Variants in PLCG2 observed in about 807,000 individuals in gnomAD.
PLCG2 encodes the protein 1-phosphatidylinositol 4,5-bisphosphate phosphodiesterase gamma-2.
PLCG2 carries 69 observed loss-of-function variants against 175.6 expected under a neutral mutation model. That is an observed-to-expected ratio of 0.39 (90% confidence interval 0.32 to 0.48). The LOEUF is 0.48. Ranked by LOEUF, PLCG2 falls within the 20% of genes least tolerant of loss-of-function variation. The pLI, the probability that PLCG2 is intolerant of heterozygous loss-of-function variation, is 0.91. For missense variants in PLCG2, 1,798 were observed against 1,650.9 expected, an observed-to-expected ratio of 1.09 and a Z score of -1.54; for synonymous variants, 827 against 624.0, an observed-to-expected ratio of 1.33 and a Z score of -4.85.
At chr16:81,944,432 A>G (rs1252142167) in intron 30 of PLCG2, among the ~76,000 whole-genome samples, 1 of 152,116 alleles carries the variant, frequency 6.6e-6, no homozygotes, top group Admixed American at 6.6e-5. Context: ...ATATGGGAGG[A>G]TGTGCATAGG....
intron 7 of PLCG2, among the ~76,000 whole-genome samples, chr16:81,879,031 C>T (rs1304392137): frequency 6.6e-6 from 1 of 152,096 alleles, no homozygotes; most frequent in Non-Finnish European, 1.5e-5. Flanking sequence ...GTTCTGGGAG[C>T]ATCTGTACCA....
chr16:81,777,850 T>C (rs1910470966), upstream of PLCG2, among the ~76,000 whole-genome samples: 1 of 151,114 alleles, frequency 6.6e-6, no homozygotes, highest in Non-Finnish European at 1.5e-5. Context: ...ACCGCGTCTC[T>C]AGTAAAAATA....
intron 2 of PLCG2, among the ~76,000 whole-genome samples, chr16:81,758,528 C>T (rs1056197316): frequency 1.3e-5 from 2 of 152,140 alleles, no homozygotes; most frequent in African/African-American, 4.8e-5. Context: ...AGTGGCCTTG[C>T]TGAGTCATAC....
At chr16:81,879,440 G>A (rs1240780438) in intron 7 of PLCG2, among the ~76,000 whole-genome samples, 2 of 152,134 alleles carry the variant, frequency 1.3e-5, no homozygotes, top group Non-Finnish European at 2.9e-5. Context: ...ACCTTTTGGT[G>A]GGACCTACTC....
At chr16:81,898,385 A>G (rs1188017354) in intron 13 of PLCG2, 1 of 152,692 alleles carries the variant, frequency 6.5e-6, no homozygotes, top group Non-Finnish European at 1.5e-5. Context: ...CCAACTTACT[A>G]GGTAGCCTTT....
chr16:81,740,862 A>G (rs1419124975), intron 1 of PLCG2, among the ~76,000 whole-genome samples: 1 of 151,838 alleles, frequency 6.6e-6, no homozygotes, highest in Non-Finnish European at 1.5e-5. Context: ...CTTAAAAAGA[A>G]TGAAACCAAC....
At position 81,931,907 on chromosome 16, in the gene PLCG2, A is replaced by G. The variant is rs563729880; in HGVS notation, c.2739+253A>G. Reference sequence around the variant, plus strand: ...TTCAGAAGGCTGAGTGCCTGCAGCAATGCTCATTGATGATGTCTTTGCGGC... The same window carrying G: ...TTCAGAAGGCTGAGTGCCTGCAGCAGTGCTCATTGATGATGTCTTTGCGGC... On this transcript the variant is annotated intron_variant, in intron 25 of 32. Coordinates refer to ENST00000564138, the MANE Select transcript of PLCG2 (RefSeq NM_002661.5). Among the ~76,000 whole-genome samples, 484 of 152,338 alleles carry G rather than the reference A, an allele frequency of 3.2e-3. 1 individual carries two copies. Among genetic ancestry groups the G allele is most frequent in the Non-Finnish European group, 3.3e-3 (224 of 68,024 alleles).
intron 14 of PLCG2, among the ~76,000 whole-genome samples, chr16:81,903,302 C>T (rs547541084): frequency 9.2e-5 from 14 of 152,244 alleles, no homozygotes; most frequent in African/African-American, 2.6e-4. Flanking sequence ...TCCAGGAAGT[C>T]GTGGTTTGGT....
chr16:81,909,865 G>C (rs916821084), intron 17 of PLCG2, among the ~76,000 whole-genome samples: 4 of 152,184 alleles, frequency 2.6e-5, no homozygotes, highest in African/African-American at 7.2e-5. Context: ...ATTCCTGTCA[G>C]ACCGCTGGGG....
chr16:81,744,857 C>G (rs1442448976), intron 1 of PLCG2, among the ~76,000 whole-genome samples: 1 of 152,124 alleles, frequency 6.6e-6, no homozygotes, highest in African/African-American at 2.4e-5. Context: ...TGAGCTACTG[C>G]TCCCAGCCCA....
intron 10 of PLCG2, among the ~76,000 whole-genome samples, chr16:81,890,942 C>T (rs370251982): frequency 9.1e-4 from 139 of 152,224 alleles, no homozygotes; most frequent in African/African-American, 3.2e-3. Flanking sequence ...GCGGGTGGAT[C>T]GCTTGAGGTT....
At chr16:81,791,135 C>G (rs1259822280) in intron 2 of PLCG2, among the ~76,000 whole-genome samples, 1 of 152,096 alleles carries the variant, frequency 6.6e-6, no homozygotes, top group Non-Finnish European at 1.5e-5. Flanking sequence ...AGGATGGAGT[C>G]CCAGCTTGCA....
intron 9 of PLCG2, among the ~76,000 whole-genome samples, chr16:81,884,708 GT>G (rs147178971): frequency 1.3e-5 from 2 of 150,360 alleles, no homozygotes; most frequent in Admixed American, 6.6e-5. Context: ...TACTTCATTT[GT>G]TTTTTTTTAA....
intron 14 of PLCG2, among the ~76,000 whole-genome samples, chr16:81,904,325 G>A (rs979141577): frequency 4.7e-4 from 72 of 152,312 alleles, no homozygotes; most frequent in African/African-American, 1.7e-3. Flanking sequence ...GGCCAGTAAG[G>A]TAATAGGCCC....
chr16:81,813,205 A>G (rs1409224231), intron 2 of PLCG2, among the ~76,000 whole-genome samples: 1 of 152,218 alleles, frequency 6.6e-6, no homozygotes, highest in African/African-American at 2.4e-5. Flanking sequence ...TAATTCTGTG[A>G]AGAAAGTCAA....
At chr16:81,899,289 TACAC>T (rs111338797) in intron 13 of PLCG2, among the ~76,000 whole-genome samples, 1 of 92,466 alleles carries the variant, frequency 1.1e-5, no homozygotes. Context: ...TATATATATA[TACAC>T]ACACACACAC....
intron 2 of PLCG2, among the ~76,000 whole-genome samples, chr16:81,853,997 TGGGACTCAA>T (rs529839450): frequency 1.3e-5 from 2 of 152,286 alleles, no homozygotes; most frequent in South Asian, 4.1e-4. Flanking sequence ...TTGTAGCTTT[TGGGACTCAA>T]GGGAAAAGGT....
intron 7 of PLCG2, among the ~76,000 whole-genome samples, chr16:81,878,245 A>G (rs917052019): frequency 6.6e-6 from 1 of 151,956 alleles, no homozygotes; most frequent in African/African-American, 2.4e-5. Flanking sequence ...CGGCCTCACA[A>G]AGTGCTGGGA....
At chr16:81,782,343 A>C (rs1054963843) in intron 1 of PLCG2, among the ~76,000 whole-genome samples, 1 of 152,202 alleles carries the variant, frequency 6.6e-6, no homozygotes, top group Non-Finnish European at 1.5e-5. Context: ...AGAATTACCC[A>C]TTAAGAATGG....
Sources: gnomAD v4.1 joint callset for allele counts (sites outside exome capture counted in the v4.1 genomes callset) on GRCh38, gnomAD v4.1.1 for gene constraint, MANE v1.5 for transcripts, NCBI Gene and HGNC (gene_info 2026-07-23, HGNC 2026-07-21) for gene names.